Variants in PVT1 observed in about 807,000 individuals in gnomAD.
The protein encoded by PVT1 is CXCR4/PVT1 fusion.
chr8:128,095,776 G>A (rs540653641), intron 5 of PVT1, among the ~76,000 whole-genome samples: 3 of 152,330 alleles, frequency 2.0e-5, no homozygotes, highest in African/African-American at 4.8e-5. Flanking sequence ...GTTTGTTAGC[G>A]TTGCGGTCAG....
intron 2 of PVT1, among the ~76,000 whole-genome samples, chr8:127,798,028 C>T (rs1329691142): frequency 3.3e-5 from 5 of 152,050 alleles, no homozygotes; most frequent in East Asian, 3.9e-4. Flanking sequence ...AAGGGCCGGG[C>T]GCGGTGGCTC....
chr8:128,073,922 T>C (rs1184472694), intron 5 of PVT1, among the ~76,000 whole-genome samples: 2 of 152,112 alleles, frequency 1.3e-5, no homozygotes, highest in African/African-American at 4.8e-5. Context: ...GTCTCTGTAG[T>C]CTTCTCCAAG....
Position 128,029,317 on chromosome 8 carries a change from G to A in PVT1, n.912+40026G>A, listed in dbSNP as rs550051296. Among the ~76,000 whole-genome samples, 18 of 150,776 alleles carry A rather than the reference G, an allele frequency of 1.2e-4. No homozygotes were observed. In the East Asian group the frequency reaches 3.2e-3, roughly 27 times the overall value. On this transcript the variant is annotated intron_variant and non_coding_transcript_variant, in intron 4 of 10. Transcript: ENST00000651587. Reference sequence around the variant, plus strand: ...TTTTGACTTTTTTTTTGCAGGAAACGAGGTCTCACTATGTTGCCCAGGCTG... The same window carrying A: ...TTTTGACTTTTTTTTTGCAGGAAACAAGGTCTCACTATGTTGCCCAGGCTG...
Position 128,045,118 on chromosome 8 carries a change from T to C in PVT1, n.913-25042T>C, listed in dbSNP as rs114465571. Among the ~76,000 whole-genome samples, 371 of 152,326 alleles carry C rather than the reference T, an allele frequency of 2.4e-3. 2 individuals carry two copies. The highest frequency in any genetic ancestry group is 8.6e-3 in the African/African-American group (358 of 41,576). The stretch of plus-strand genomic sequence containing the variant: ...GTTGTTCCATTGTTCCCAGATAACA[T>C]ATCCTATCTTAACGTCTTTGCTGGG... On this transcript the variant is annotated intron_variant and non_coding_transcript_variant, in intron 4 of 10. Coordinates refer to ENST00000651587, the Ensembl canonical transcript of PVT1.
chr8:127,877,913 C>T (rs59949357), intron 2 of PVT1, among the ~76,000 whole-genome samples: 1,724 of 152,078 alleles, frequency 0.011, 37 homozygotes, highest in African/African-American at 0.039. Context: ...GTGACAGAAC[C>T]GGACTCTGTC....
At chr8:128,014,234 G>A (rs140607913) in intron 4 of PVT1, among the ~76,000 whole-genome samples, 1 of 152,330 alleles carries the variant, frequency 6.6e-6, no homozygotes, top group Non-Finnish European at 1.5e-5. Flanking sequence ...CACAGAGAGT[G>A]GCCAGACAGA....
intron 6 of PVT1, among the ~76,000 whole-genome samples, chr8:128,098,158 T>C (rs921195154): frequency 6.6e-6 from 1 of 151,988 alleles, no homozygotes; most frequent in Non-Finnish European, 1.5e-5. Context: ...GCTGGAATTG[T>C]AGTGTGCAGC....
At chr8:127,949,210 T>A (rs894201754) in intron 3 of PVT1, among the ~76,000 whole-genome samples, 10 of 152,094 alleles carry the variant, frequency 6.6e-5, no homozygotes, top group African/African-American at 2.4e-4. Context: ...TGTACTCTGG[T>A]GCCCACACAC....
At chr8:128,098,929 G>T (rs1814465343) in intron 6 of PVT1, among the ~76,000 whole-genome samples, 1 of 152,170 alleles carries the variant, frequency 6.6e-6, no homozygotes, top group Admixed American at 6.5e-5. Context: ...ATCATTGCTT[G>T]CTAACATTTG....
chr8:127,887,809 T>C (rs1232340388), intron 2 of PVT1, among the ~76,000 whole-genome samples: 1 of 151,632 alleles, frequency 6.6e-6, no homozygotes, highest in Non-Finnish European at 1.5e-5. Context: ...TTTACAGGCA[T>C]GAGCCACCAC....
chr8:127,868,711 T>G (rs1815311757), intron 2 of PVT1, among the ~76,000 whole-genome samples: 2 of 92,346 alleles, frequency 2.2e-5, no homozygotes, highest in South Asian at 4.0e-4. Flanking sequence ...GGCCCACAGG[T>G]TTTTTTTAAT....
chr8:127,950,500 A>G (rs1252422173), intron 3 of PVT1, among the ~76,000 whole-genome samples: 3 of 152,172 alleles, frequency 2.0e-5, no homozygotes, highest in Non-Finnish European at 4.4e-5. Context: ...CCTGAACCTG[A>G]AGGTGGAGGA....
At chr8:127,912,157 A>C (rs755605090) in intron 3 of PVT1, among the ~76,000 whole-genome samples, 1 of 152,240 alleles carries the variant, frequency 6.6e-6, no homozygotes, top group Non-Finnish European at 1.5e-5. Context: ...ACATCCTGGC[A>C]TTCAGCTCAG....
intron 2 of PVT1, among the ~76,000 whole-genome samples, chr8:127,870,755 A>G (rs1815343226): frequency 6.6e-6 from 1 of 152,182 alleles, no homozygotes; most frequent in Non-Finnish European, 1.5e-5. Context: ...ATGGCTTAAC[A>G]TTTCTGGGCC....
intron 4 of PVT1, chr8:127,989,333 A>G (rs1367966251): frequency 6.6e-6 from 1 of 151,520 alleles, no homozygotes; most frequent in East Asian, 2.0e-4. Flanking sequence ...AACCAAAAAT[A>G]GCTTTTGGAG....
intron 2 of PVT1, chr8:127,855,178 G>A (rs1310069735): frequency 2.5e-5 from 10 of 398,570 alleles, no homozygotes; most frequent in Non-Finnish European, 4.4e-5. Context: ...TGCAGTGCAG[G>A]AAGCCAACTA....
intron 2 of PVT1, among the ~76,000 whole-genome samples, chr8:127,822,513 G>C (rs567119567): frequency 6.6e-6 from 1 of 152,280 alleles, no homozygotes; most frequent in Admixed American, 6.5e-5. Flanking sequence ...GGAGGTGGAG[G>C]TTGCAGTGAG....
At chr8:127,887,049 T>G (rs1430545636) in intron 2 of PVT1, among the ~76,000 whole-genome samples, 1 of 152,238 alleles carries the variant, frequency 6.6e-6, no homozygotes, top group Non-Finnish European at 1.5e-5. Context: ...TGTTTAGTTC[T>G]TTTGGCTTTA....
chr8:128,074,880 G>A (rs138824519), intron 5 of PVT1, among the ~76,000 whole-genome samples: 1 of 152,306 alleles, frequency 6.6e-6, no homozygotes, highest in African/African-American at 2.4e-5. Flanking sequence ...CCAAATTTAA[G>A]CAGCAATTTT....
Sources: gnomAD v4.1 joint callset for allele counts (sites outside exome capture counted in the v4.1 genomes callset) on GRCh38, gnomAD v4.1.1 for gene constraint, MANE v1.5 for transcripts, NCBI Gene and HGNC (gene_info 2026-07-23, HGNC 2026-07-21) for gene names.